The following B4GALT3 variants were observed in gnomAD, a reference collection of about 807,000 sequenced individuals.
B4GALT3 encodes N-acetyllactosamine synthase.
In B4GALT3, 29 loss-of-function variants were observed where a neutral mutation model predicts 40.7. The ratio of observed to expected loss-of-function variants is 0.71; its 90% CI spans 0.53 to 0.97. B4GALT3 has a LOEUF of 0.97. B4GALT3 is among the 50% of genes least tolerant of loss of function. The pLI is 0.00. For synonymous variants in B4GALT3, 182 were observed against 203.9 expected (o/e 0.89, Z 0.92); for missense variants, 390 against 522.3 (o/e 0.75, Z 2.47).
chr1:161,172,263 T>G lies in B4GALT3; in HGVS notation c.872A>C (p.His291Pro). 6 of 1,614,114 alleles carry G rather than the reference T, an allele frequency of 3.7e-6. No individual in the cohort carries two copies. The highest frequency in any genetic ancestry group is 5.1e-6 in the Non-Finnish European group (6 of 1,180,022). ...TSVGHYKMVKHRGDKGNEENP... is the reference protein window; with the variant it reads ...TSVGHYKMVKPRGDKGNEENP... Reference sequence around the variant, plus strand: ...TTCCTCATTGCCCTTATCTCCTCGGTGCTTCACCATCTTATAGTGTCCTAC... The same window carrying G: ...TTCCTCATTGCCCTTATCTCCTCGGGGCTTCACCATCTTATAGTGTCCTAC... Residue 291 changes from histidine to proline, a missense_variant, in exon 7 of 8, where the codon CAC (histidine) becomes CCC (proline). By Grantham distance (77) the His-to-Pro change is moderately conservative. This residue lies in a region of B4GALT3 where 135 missense variants were observed against 227.8 expected (regional missense o/e 0.59). Coordinates refer to ENST00000319769, the MANE Select transcript of B4GALT3 (RefSeq NM_003779.4).
chr1:161,173,061 A>G (rs1190286565), intron 6 of B4GALT3, among the ~76,000 whole-genome samples: 1 of 152,204 alleles, frequency 6.6e-6, no homozygotes, highest in South Asian at 2.1e-4. Flanking sequence ...ATGAGAATTC[A>G]CAGAGATGTC....
intron 1 of B4GALT3, chr1:161,176,834 A>C (rs955078267): frequency 1.3e-6 from 2 of 1,532,940 alleles, no homozygotes; most frequent in African/African-American, 2.7e-5. Context: ...TAATGGAAAC[A>C]TTGTTTTCCC....
chr1:161,175,755 C>T (rs984882703), intron 3 of B4GALT3, 53 bp downstream of exon 3: 1 of 1,594,498 alleles, frequency 6.3e-7, no homozygotes, highest in African/African-American at 1.3e-5. Flanking sequence ...CCCAAGCCTC[C>T]CTGTCTCCGC....
intron 1 of B4GALT3, chr1:161,176,950 T>C (rs1305423220): frequency 7.8e-6 from 12 of 1,536,026 alleles, no homozygotes; most frequent in African/African-American, 2.7e-5. Flanking sequence ...CTATTCTTCA[T>C]GTGCCTGGGT....
At chr1:161,176,327 C>T (rs1663504168) in intron 2 of B4GALT3, 107 bp downstream of exon 2, 4 of 557,936 alleles carry the variant, frequency 7.2e-6, no homozygotes, top group Non-Finnish European at 1.3e-5. Flanking sequence ...CATCTACTGT[C>T]AGTCCTCACC....
Position 161,175,030 on chromosome 1 carries a change from C to T in B4GALT3, c.452G>A (p.Arg151His), listed in dbSNP as rs1300509796. Residue 151 changes from arginine to histidine, a missense_variant, in exon 4 of 8, where the codon CGC becomes CAC. By Grantham distance (29) the Arg-to-His change is conservative. Around this residue, in one of 3 missense-constraint regions of B4GALT3, gnomAD observed 183 missense variants for 223.2 expected, o/e 0.82. Transcript: ENST00000319769. ...LLYHLHPFLQRQQLAYGIYVI... is the reference protein window; with the variant it reads ...LLYHLHPFLQHQQLAYGIYVI... ...ATAGATGCCATAAGCAAGCTGCTGG[C>T]GCTGCAAGAAGGGGTGCAGGTGGTA... 1.2e-6 allele frequency: 2 copies of T among 1,613,462 alleles called. No homozygotes were observed. The highest frequency in any genetic ancestry group is 1.7e-5 in the Admixed American group (1 of 59,844).
In B4GALT3 at chr1:161,171,866, G is replaced by A; in HGVS notation, c.1132C>T (p.Pro378Ser). ...EMLQRRPPAR[P>S]GPLSTANHTA... ...TGGTTGGCAGTAGATAGAGGCCCAG[G>A]CCTGGCTGGGGGCCGGCGTTGCAGC... is the stretch of plus-strand genomic sequence containing the variant. The change falls in exon 8 of 8, where the codon CCT becomes TCT. Residue 378 changes from proline to serine, a missense_variant. Around this residue, in one of 3 missense-constraint regions of B4GALT3, gnomAD observed 72 missense variants for 71.3 expected, o/e 1.01. Transcript: ENST00000319769. 6.2e-7 allele frequency: 1 copy of A among 1,614,204 alleles called. No individual in the cohort carries two copies. Among genetic ancestry groups the A allele is most frequent in the Non-Finnish European group, 8.5e-7 (1 of 1,180,040 alleles).
chr1:161,175,422 T>C (rs1390320882), intron 3 of B4GALT3, among the ~76,000 whole-genome samples, 194 bp from the exon 4 acceptor site: 1 of 152,102 alleles, frequency 6.6e-6, no homozygotes, highest in Non-Finnish European at 1.5e-5. Flanking sequence ...GCAGGATCCT[T>C]ACCTAGCCTT....
Position 161,173,972 on chromosome 1 carries a change from G to A in B4GALT3, c.567C>T (p.Asp189=). The stretch of plus-strand genomic sequence containing the variant: ...GGTCCACATCGTGCAAGAACAGGCA[G>A]TCCCACTCTTCATCACGCAGGGCCT... ...VREALRDEEW[D]CLFLHDVDLL... is the part of the protein sequence containing the mutation. The change falls in exon 5 of 8, where the codon GAC becomes GAT. Residue 189 remains aspartate (D), a synonymous_variant. Coordinates refer to ENST00000319769, the MANE Select transcript of B4GALT3 (RefSeq NM_003779.4). The A allele has an allele frequency of 1.2e-6, 2 of 1,614,112 alleles. No individual in the cohort carries two copies. The highest frequency in any genetic ancestry group is 8.5e-7 in the Non-Finnish European group (1 of 1,180,048).
intron 7 of B4GALT3, 66 bp from the exon 8 acceptor site, chr1:161,172,155 A>G: frequency 1.2e-6 from 2 of 1,612,026 alleles, no homozygotes; most frequent in Non-Finnish European, 1.7e-6. Context: ...GACCTTTAGG[A>G]TTTTCCTGGC....
Position 161,176,356 on chromosome 1 carries a change from A to G in B4GALT3, c.-15+78T>C. 5.9e-6 allele frequency: 3 copies of G among 510,794 alleles called. No homozygotes were observed. The South Asian group carries it at 7.2e-5, about 12-fold the overall frequency. 31.6% of individuals were successfully genotyped at this position (510,794 alleles called of 1,614,324 possible). Reference sequence around the variant, plus strand: ...CCTCACCCCCAAAAATGTTTACATCATTCAAATCTCATGTTCATTTCAGAA... The same window carrying G: ...CCTCACCCCCAAAAATGTTTACATCGTTCAAATCTCATGTTCATTTCAGAA... On this transcript the variant is annotated intron_variant, in intron 2 of 7. Coordinates refer to ENST00000319769, the MANE Select transcript of B4GALT3 (RefSeq NM_003779.4).
At chr1:161,172,204 A>G in intron 7 of B4GALT3, 23 bp downstream of exon 7, 1 of 1,613,366 alleles carries the variant, frequency 6.2e-7, no homozygotes. Context: ...AACAATTCCC[A>G]GGCAGTCCTT....
Position 161,171,799 on chromosome 1 carries a change from T to C in B4GALT3, c.*17A>G, listed in dbSNP as rs1661526713. On this transcript the variant is annotated 3_prime_UTR_variant, in exon 8 of 8. Coordinates refer to ENST00000319769, the MANE Select transcript of B4GALT3 (RefSeq NM_003779.4). ...CATGAATTCGGTTTCATGATTAAGG[T>C]AGACAGGAAGGAGGAGTCAGTGTGA... The C allele has an allele frequency of 6.2e-7, 1 of 1,613,074 alleles. No individual in the cohort carries two copies. Among genetic ancestry groups the C allele is most frequent in the Non-Finnish European group, 8.5e-7 (1 of 1,179,546 alleles).
At chr1:161,177,569 C>G (rs74124652), upstream of B4GALT3, 688 of 162,000 alleles carry the variant, frequency 4.2e-3, 8 homozygotes, top group African/African-American at 0.016. Context: ...ACTAGGCACC[C>G]GGTCCCAGAC....
At position 161,173,907 on chromosome 1, in the gene B4GALT3, G is replaced by A; in HGVS notation, c.632C>T (p.Pro211Leu). The change falls in exon 5 of 8, where the codon CCC becomes CTC. Residue 211 changes from proline to leucine, a missense_variant. Physicochemically the swap from Pro to Leu is moderately conservative, Grantham distance 98. Coordinates refer to ENST00000319769, the MANE Select transcript of B4GALT3 (RefSeq NM_003779.4). ...AACGGCAACATGGCGGGGTCCCCGG[G>A]GGTCACACACATACAGATTGTGGTC... ...ENDHNLYVCD[P>L]RGPRHVAVAM... 4 of 1,614,102 alleles carry A rather than the reference G, an allele frequency of 2.5e-6. No individual in the cohort carries two copies. Among genetic ancestry groups the A allele is most frequent in the Non-Finnish European group, 3.4e-6 (4 of 1,180,030 alleles).
At position 161,173,979 on chromosome 1, in the gene B4GALT3, T is replaced by A; in HGVS notation, c.560A>T (p.Glu187Val). 1 of 1,614,172 alleles carries A rather than the reference T, an allele frequency of 6.2e-7. No homozygotes were observed. The highest frequency in any genetic ancestry group is 8.5e-7 in the Non-Finnish European group (1 of 1,180,042). Residue 187 changes from glutamate (E) to valine (V), a missense_variant, in exon 5 of 8, where the codon GAG becomes GTG. Physicochemically the swap from Glu to Val is moderately radical, Grantham distance 121. Around this residue, in one of 3 missense-constraint regions of B4GALT3, gnomAD observed 135 missense variants for 227.8 expected, o/e 0.59. Transcript: ENST00000319769. ...ATCGTGCAAGAACAGGCAGTCCCAC[T>A]CTTCATCACGCAGGGCCTCTCGCAC... ...VGVREALRDE[E>V]WDCLFLHDVD...
At position 161,171,858 on chromosome 1, in the gene B4GALT3, A is replaced by T; in HGVS notation, c.1140T>A (p.Pro380=). 6.2e-7 allele frequency: 1 copy of T among 1,614,188 alleles called. No homozygotes were observed. Among genetic ancestry groups the T allele is most frequent in the Non-Finnish European group, 8.5e-7 (1 of 1,180,030 alleles). The change falls in exon 8 of 8, where the codon CCT becomes CCA. Residue 380 remains proline, a synonymous_variant. Coordinates refer to ENST00000319769, the MANE Select transcript of B4GALT3 (RefSeq NM_003779.4). ...LQRRPPARPG[P]LSTANHTALR... ...GGGCTGTGTGGTTGGCAGTAGATAG[A>T]GGCCCAGGCCTGGCTGGGGGCCGGC... is the stretch of plus-strand genomic sequence containing the variant.
At chr1:161,173,354 C>T (rs924302559) in intron 6 of B4GALT3, among the ~76,000 whole-genome samples, 13 of 152,090 alleles carry the variant, frequency 8.5e-5, no homozygotes, top group African/African-American at 2.7e-4. Flanking sequence ...TTCTGGAATC[C>T]GACGATACTA....
Sources: allele counts gnomAD v4.1 joint callset (sites outside exome capture counted in the v4.1 genomes callset), GRCh38; gene constraint gnomAD v4.1.1; regional missense constraint gnomAD v4.1.1; transcripts MANE v1.5; gene names NCBI Gene and HGNC (gene_info 2026-07-23, HGNC 2026-07-21).